The following ZNF385D variants were observed in gnomAD, a reference collection of about 807,000 sequenced individuals.
The protein encoded by ZNF385D is zinc finger protein 659.
ZNF385D carries 15 observed loss-of-function variants against 35.8 expected under a neutral mutation model. The ratio of observed to expected loss-of-function variants is 0.42; its 90% CI spans 0.28 to 0.64. ZNF385D has a LOEUF of 0.64. Ranked by LOEUF, ZNF385D falls within the 30% of genes least tolerant of loss-of-function variation. ZNF385D has a pLI of 0.23. For missense variants in ZNF385D, 474 were observed against 494.6 expected, an observed-to-expected ratio of 0.96 and a Z score of 0.39; for synonymous variants, 212 against 186.8, an observed-to-expected ratio of 1.13 and a Z score of -1.10.
chr3:21,451,001 A>T (rs2125278883), intron 4 of ZNF385D, among the ~76,000 whole-genome samples: 1 of 152,242 alleles, frequency 6.6e-6, no homozygotes, highest in East Asian at 1.9e-4. Flanking sequence ...TTGCTTATTA[A>T]CTTTTTTTTC....
chr3:22,079,018 A>G lies in ZNF385D; in HGVS notation c.325+89799T>C, dbSNP rs574805514. On this transcript the variant is annotated intron_variant, in intron 3 of 5. Coordinates refer to the ZNF385D transcript ENST00000494108. The stretch of plus-strand genomic sequence containing the variant: ...TGGAAGGTCAAAAACTCTTAGTTTT[A>G]GAATAACCAGAGCTTACATGAAAGA... Among the ~76,000 whole-genome samples the G allele has an allele frequency of 1.7e-3, 258 of 152,202 alleles. 1 individual carries two copies. The highest frequency in any genetic ancestry group is 5.8e-3 in the African/African-American group (241 of 41,564).
At chr3:21,702,369 G>C (rs2067721849) in intron 1 of ZNF385D, among the ~76,000 whole-genome samples, 1 of 152,168 alleles carries the variant, frequency 6.6e-6, no homozygotes, top group African/African-American at 2.4e-5. Flanking sequence ...CTGAGACAGA[G>C]GGCACCAAGT....
intron 3 of ZNF385D, among the ~76,000 whole-genome samples, chr3:21,809,991 A>T (rs1390835570): frequency 6.6e-6 from 1 of 152,152 alleles, no homozygotes; most frequent in African/African-American, 2.4e-5. Context: ...GATTCCATAC[A>T]ATATCTTCCA....
At chr3:21,551,272 C>T (rs528231567) in intron 3 of ZNF385D, among the ~76,000 whole-genome samples, 12 of 152,240 alleles carry the variant, frequency 7.9e-5, no homozygotes, top group Admixed American at 4.6e-4. Flanking sequence ...GACTTGCTGC[C>T]CTCCCGTGAC....
At chr3:21,495,238 T>TC (rs1158662463) in intron 4 of ZNF385D, among the ~76,000 whole-genome samples, 1 of 151,800 alleles carries the variant, frequency 6.6e-6, no homozygotes, top group African/African-American at 2.4e-5. Context: ...TTTTTTTTTT[T>TC]CCCACAAACT....
rs553494985 is a variant in ZNF385D at position 21,972,963 on chromosome 3, G to A, written c.325+195854C>T. On this transcript the variant is annotated intron_variant, in intron 3 of 5. Coordinates refer to the ZNF385D transcript ENST00000494108. ...AGCAAAGAAAATACTAGGACCCAGC[G>A]GCTTCATTGCTGAATTTTACCAAAG... 1.1e-4 allele frequency among the ~76,000 whole-genome samples: 17 copies of A among 151,878 alleles called. No homozygotes were observed. In the East Asian group the frequency reaches 3.1e-3, roughly 28 times the overall value.
At chr3:22,061,134 T>C (rs1307604922) in intron 3 of ZNF385D, among the ~76,000 whole-genome samples, 2 of 152,150 alleles carry the variant, frequency 1.3e-5, no homozygotes, top group Admixed American at 6.5e-5. Context: ...TTAAATTAAA[T>C]TAAATAGTTG....
intron 3 of ZNF385D, among the ~76,000 whole-genome samples, chr3:21,982,739 T>C (rs1694549994): frequency 6.6e-6 from 1 of 152,266 alleles, no homozygotes; most frequent in African/African-American, 2.4e-5. Flanking sequence ...ATGGCTCTTA[T>C]TATTTTGAGG....
At chr3:21,667,439 G>A (rs2066442285) in intron 1 of ZNF385D, among the ~76,000 whole-genome samples, 1 of 152,220 alleles carries the variant, frequency 6.6e-6, no homozygotes, top group Non-Finnish European at 1.5e-5. Context: ...TGGGATTACA[G>A]GTGTGAGCCA....
chr3:22,278,898 C>T (rs565546027), intron 2 of ZNF385D, among the ~76,000 whole-genome samples: 142 of 152,216 alleles, frequency 9.3e-4, no homozygotes, highest in African/African-American at 3.4e-3. Flanking sequence ...TTTCTAAATG[C>T]TACCTGCAGT....
chr3:22,115,162 A>C (rs1284912073), intron 3 of ZNF385D, among the ~76,000 whole-genome samples: 1 of 152,088 alleles, frequency 6.6e-6, no homozygotes, highest in Non-Finnish European at 1.5e-5. Flanking sequence ...AGACCATTAC[A>C]GGGCCTGACA....
intron 3 of ZNF385D, among the ~76,000 whole-genome samples, chr3:22,153,098 A>T (rs1187491830): frequency 6.6e-6 from 1 of 151,942 alleles, no homozygotes; most frequent in African/African-American, 2.4e-5. Context: ...GCATACAACC[A>T]TTTTCTACAT....
At chr3:21,729,014 T>C (rs2068883390) in intron 1 of ZNF385D, among the ~76,000 whole-genome samples, 1 of 152,226 alleles carries the variant, frequency 6.6e-6, no homozygotes, top group African/African-American at 2.4e-5. Context: ...AGGAACCTAC[T>C]AGTGAAATAT....
chr3:21,945,019 C>T (rs971896509), intron 3 of ZNF385D, among the ~76,000 whole-genome samples: 2 of 151,934 alleles, frequency 1.3e-5, no homozygotes, highest in African/African-American at 2.4e-5. Flanking sequence ...TCGATTTACA[C>T]ATAGGTAGTC....
At chr3:21,470,866 T>C (rs1703837884) in intron 4 of ZNF385D, among the ~76,000 whole-genome samples, 1 of 152,156 alleles carries the variant, frequency 6.6e-6, no homozygotes, top group Non-Finnish European at 1.5e-5. Flanking sequence ...TATACCTTTA[T>C]AAACCTGGAA....
chr3:22,004,821 C>T (rs1302921835), intron 3 of ZNF385D, among the ~76,000 whole-genome samples: 1 of 151,924 alleles, frequency 6.6e-6, no homozygotes, highest in Admixed American at 6.6e-5. Flanking sequence ...TTAAATTGTC[C>T]CACCTTTCAG....
At chr3:22,265,097 G>C (rs1405782516) in intron 2 of ZNF385D, among the ~76,000 whole-genome samples, 1 of 151,840 alleles carries the variant, frequency 6.6e-6, no homozygotes, top group South Asian at 2.1e-4. Context: ...ATGAGCAAAG[G>C]AGATCTGCCC....
At chr3:21,820,708 ATAAG>A (rs1433159175) in intron 3 of ZNF385D, among the ~76,000 whole-genome samples, 1 of 151,768 alleles carries the variant, frequency 6.6e-6, no homozygotes, top group Admixed American at 6.6e-5. Flanking sequence ...GACTGTATAA[ATAAG>A]TAATTTCAGG....
At chr3:21,977,588 G>A (rs1156430290) in intron 3 of ZNF385D, among the ~76,000 whole-genome samples, 1 of 152,138 alleles carries the variant, frequency 6.6e-6, no homozygotes, top group Non-Finnish European at 1.5e-5. Context: ...GGAGGCCATA[G>A]TGGGAAGAGT....
Sources: allele counts gnomAD v4.1 joint callset (sites outside exome capture counted in the v4.1 genomes callset), GRCh38; gene constraint gnomAD v4.1.1; transcripts MANE v1.5; gene names NCBI Gene and HGNC (gene_info 2026-07-23, HGNC 2026-07-21).